The following SLC29A1 variants were observed in gnomAD, a reference collection of about 807,000 sequenced individuals.
SLC29A1 encodes solute carrier family 29 member 1 (Augustine blood group).
A neutral mutation model predicts 48.3 loss-of-function variants in SLC29A1; 22 were observed. The ratio of observed to expected loss-of-function variants is 0.46; its 90% CI spans 0.33 to 0.65. The LOEUF (loss-of-function observed/expected upper bound fraction) is 0.65, where lower values mean the gene tolerates loss of function less well. SLC29A1 is among the 30% of genes least tolerant of loss of function. The pLI, the probability that SLC29A1 is intolerant of heterozygous loss-of-function variation, is 0.03. For synonymous variants in SLC29A1, 228 were observed against 231.0 expected, an observed-to-expected ratio of 0.99 and a Z score of 0.12; for missense variants, 491 against 575.3, an observed-to-expected ratio of 0.85 and a Z score of 1.50.
At chr6:44,230,711 G>GGGC in intron 7 of SLC29A1, 46 bp downstream of exon 7, 2 of 1,025,500 alleles carry the variant, frequency 2.0e-6, no homozygotes, top group Non-Finnish European at 3.0e-6. Context: ...GGGGTCTGGG[G>GGGC]TTCCAGACCA....
In SLC29A1 at chr6:44,233,590, G is replaced by A; in HGVS notation, c.*62G>A. 4.4e-6 allele frequency: 6 copies of A among 1,348,626 alleles called. No homozygotes were observed. In the Middle Eastern group the frequency reaches 7.2e-4, roughly 163 times the overall value. The allele number at this position is 1,348,626 out of a possible 1,614,324, so 83.5% of individuals were successfully genotyped here. On this transcript the variant is annotated 3_prime_UTR_variant, in exon 13 of 13. Transcript: ENST00000371755. ...TGTCTGCCTCCTGCCCCTTCCTTCT[G>A]CCAGGGGTGATCCTGAGTGGTCTGG...
At chr6:44,225,521 AAAAG>A (rs1777318223) in intron 1 of SLC29A1, among the ~76,000 whole-genome samples, 1 of 151,886 alleles carries the variant, frequency 6.6e-6, no homozygotes, top group African/African-American at 2.4e-5. Context: ...AAAAAAAAAA[AAAAG>A]AAAAAATCTG....
upstream of SLC29A1, among the ~76,000 whole-genome samples, chr6:44,220,843 A>AT (rs398084900): frequency 2.6e-5 from 4 of 151,154 alleles, no homozygotes; most frequent in East Asian, 7.8e-4. Context: ...GAAAAAAAAA[A>AT]ACAAACTTAT....
rs777435203 is a variant in SLC29A1 at position 44,232,977 on chromosome 6, C to T, written c.1230C>T (p.Leu410=). The T allele has an allele frequency of 2.5e-5, 41 of 1,613,518 alleles. No individual in the cohort carries two copies. Among genetic ancestry groups the T allele is most frequent in the Non-Finnish European group, 3.1e-5 (37 of 1,180,042 alleles). Residue 410 remains leucine (L), a synonymous_variant, in exon 12 of 13, where the codon CTC becomes CTT. Coordinates refer to ENST00000371755, the MANE Select transcript of SLC29A1 (RefSeq NM_001372327.1). The surrounding 1 kb of genome is among the most constrained non-coding windows in gnomAD (Gnocchi z 4.7). ...MAAFAFSNGY[L]ASLCMCFGPK... is the part of the protein sequence containing the mutation. ...CCTTTGCCTTCTCCAACGGCTACCTCGCCAGCCTCTGCATGTGCTTCGGGC... is the reference window on the plus strand; with the variant it reads ...CCTTTGCCTTCTCCAACGGCTACCTTGCCAGCCTCTGCATGTGCTTCGGGC...
At chr6:44,230,930 C>G in intron 8 of SLC29A1, 41 bp downstream of exon 8, 1 of 1,465,020 alleles carries the variant, frequency 6.8e-7, no homozygotes, top group Non-Finnish European at 9.6e-7. Context: ...GGATGGTATA[C>G]CAGGCGGGGG....
At chr6:44,226,943 C>T (rs1404879152) in intron 1 of SLC29A1, 3 of 1,092,300 alleles carry the variant, frequency 2.7e-6, no homozygotes, top group East Asian at 1.3e-4. Flanking sequence ...CTTTCCTCCT[C>T]CTTCCCTCCT....
chr6:44,227,188 C>T (rs1561878127), intron 1 of SLC29A1, 75 bp from the exon 2 acceptor site: 1 of 1,483,150 alleles, frequency 6.7e-7, no homozygotes, highest in Non-Finnish European at 9.2e-7. Context: ...AGCCCTGCCC[C>T]CTCTCCCCCT....
At chr6:44,221,708 TC>T, upstream of SLC29A1, 1 of 1,218,662 alleles carries the variant, frequency 8.2e-7, no homozygotes, top group South Asian at 1.3e-5. The surrounding 1 kb of genome is among the most constrained non-coding windows in gnomAD (Gnocchi z 4.2). Context: ...TCCCAGGCTG[TC>T]CAGCAGGGGG....
At position 44,233,707 on chromosome 6, in the gene SLC29A1, G is replaced by A; in HGVS notation, c.*179G>A. 1 of 605,804 alleles carries A rather than the reference G, an allele frequency of 1.7e-6. No individual in the cohort carries two copies. Among genetic ancestry groups the A allele is most frequent in the Non-Finnish European group, 3.0e-6 (1 of 338,786 alleles). The allele number at this position is 605,804 out of a possible 1,614,324, so 37.5% of individuals were successfully genotyped here. On this transcript the variant is annotated 3_prime_UTR_variant, in exon 13 of 13. Coordinates refer to ENST00000371755, the MANE Select transcript of SLC29A1 (RefSeq NM_001372327.1). ...GGGAGGGAGCCTCTGGACGGACAGT[G>A]GGGACATTGTGGGTTTGGGGCTCAG...
Position 44,232,468 on chromosome 6 carries a change from A to G in SLC29A1, c.1059+40A>G, listed in dbSNP as rs762058990. On this transcript the variant is annotated intron_variant, in intron 11 of 12. Coordinates refer to ENST00000371755, the MANE Select transcript of SLC29A1 (RefSeq NM_001372327.1). This position sits in a 1 kb window ranked among gnomAD's most constrained non-coding sequence, Gnocchi z 4.7. ...AGGGCCCCAGGCCCCTGTGGGAAGT[A>G]AGAGTCCAGCCTGGACCCAGAGAGG... is the stretch of plus-strand genomic sequence containing the variant. The G allele has an allele frequency of 1.9e-5, 26 of 1,385,432 alleles. No homozygotes were observed. Among genetic ancestry groups the G allele is most frequent in the Non-Finnish European group, 2.6e-5 (25 of 976,604 alleles). 85.8% of individuals were successfully genotyped at this position (1,385,432 alleles called of 1,614,324 possible).
At position 44,227,266 on chromosome 6, in the gene SLC29A1, C is replaced by T; in HGVS notation, c.-48C>T. On this transcript the variant is annotated 5_prime_UTR_variant, in exon 2 of 13. Coordinates refer to ENST00000371755, the MANE Select transcript of SLC29A1 (RefSeq NM_001372327.1). Reference sequence around the variant, plus strand: ...ACACTGTTCCTGCCCCCAGCAGGCCCCTGAGGGAGGGAGCTGTCAGCCAGG... The same window carrying T: ...ACACTGTTCCTGCCCCCAGCAGGCCTCTGAGGGAGGGAGCTGTCAGCCAGG... The T allele has an allele frequency of 6.2e-7, 1 of 1,613,458 alleles. No individual in the cohort carries two copies. The highest frequency in any genetic ancestry group is 1.1e-5 in the South Asian group (1 of 91,014).
At chr6:44,227,002 A>G (rs921186454) in intron 1 of SLC29A1, 3 of 1,228,156 alleles carry the variant, frequency 2.4e-6, no homozygotes, top group Non-Finnish European at 3.1e-6. Context: ...CGGCTGCTGG[A>G]TAAAAATAGC....
rs1778218163 is a variant in SLC29A1 at position 44,229,011 on chromosome 6, C to T, written c.30-379C>T. Among the ~76,000 whole-genome samples, 1 of 152,186 alleles carries T rather than the reference C, an allele frequency of 6.6e-6. No individual in the cohort carries two copies. Among genetic ancestry groups the T allele is most frequent in the Non-Finnish European group, 1.5e-5 (1 of 68,038 alleles). ...GCCTGCCTGGTGGGAGTGGAAGACA[C>T]TTGCTGCTTGCTTTCTCACTCATCC... On this transcript the variant is annotated intron_variant, in intron 2 of 12. Coordinates refer to ENST00000371755, the MANE Select transcript of SLC29A1 (RefSeq NM_001372327.1). This position sits in a 1 kb window ranked among gnomAD's most constrained non-coding sequence, Gnocchi z 5.1.
chr6:44,224,950 G>A (rs1351760222), intron 1 of SLC29A1, among the ~76,000 whole-genome samples: 2 of 152,184 alleles, frequency 1.3e-5, no homozygotes, highest in African/African-American at 4.8e-5. Flanking sequence ...GTTGAATTGT[G>A]CCCAAGACTG....
upstream of SLC29A1, among the ~76,000 whole-genome samples, chr6:44,221,986 C>G (rs1409501006): frequency 1.3e-5 from 2 of 152,178 alleles, no homozygotes; most frequent in Non-Finnish European, 2.9e-5. The surrounding 1 kb of genome is among the most constrained non-coding windows in gnomAD (Gnocchi z 4.2). Flanking sequence ...GGCCACCAGC[C>G]TTGCCATGCC....
rs951503489 is a variant in SLC29A1 at position 44,229,047 on chromosome 6, T to A, written c.30-343T>A. 6.6e-6 allele frequency among the ~76,000 whole-genome samples: 1 copy of A among 152,224 alleles called. No individual in the cohort carries two copies. Among genetic ancestry groups the A allele is most frequent in the African/African-American group, 2.4e-5 (1 of 41,450 alleles). On this transcript the variant is annotated intron_variant, in intron 2 of 12. Transcript: ENST00000371755. This position sits in a 1 kb window ranked among gnomAD's most constrained non-coding sequence, Gnocchi z 5.1. ...CTTTCTCACTCATCCACCCACCCCC[T>A]GCCCTTCGGCAGGATTTCCAAAACC...
At chr6:44,221,524 T>C, upstream of SLC29A1, 1 of 879,980 alleles carries the variant, frequency 1.1e-6, no homozygotes, top group Non-Finnish European at 1.6e-6. This position sits in a 1 kb window ranked among gnomAD's most constrained non-coding sequence, Gnocchi z 4.2. Context: ...TATAGGGTGG[T>C]GAATAAGGTG....
At chr6:44,223,306 C>T (rs1407451015), upstream of SLC29A1, among the ~76,000 whole-genome samples, 1 of 151,870 alleles carries the variant, frequency 6.6e-6, no homozygotes, top group Non-Finnish European at 1.5e-5. The surrounding 1 kb of genome is among the most constrained non-coding windows in gnomAD (Gnocchi z 5.0). Flanking sequence ...CTGCGCAGGT[C>T]CTTAATGTGT....
intron 5 of SLC29A1, 126 bp from the exon 6 acceptor site, chr6:44,230,221 A>G: frequency 6.7e-7 from 1 of 1,492,168 alleles, no homozygotes; most frequent in Non-Finnish European, 9.2e-7. Context: ...GGGAGGGGGC[A>G]GAGAGAAGGG....
Sources: allele counts gnomAD v4.1 joint callset (sites outside exome capture counted in the v4.1 genomes callset), GRCh38; gene constraint gnomAD v4.1.1; non-coding constraint Gnocchi (gnomAD v3.1); transcripts MANE v1.5; gene names NCBI Gene and HGNC (gene_info 2026-07-23, HGNC 2026-07-21).